SLC49A4: variants seen among roughly 807,000 people sequenced by gnomAD.
The protein encoded by SLC49A4 is solute carrier family 49 member 4, also known as disrupted in renal cancer protein 2.
A neutral mutation model predicts 50.6 loss-of-function variants in SLC49A4; 36 were observed. That is an observed-to-expected ratio of 0.71 (90% CI 0.55 to 0.94). SLC49A4 has a LOEUF of 0.94. Among genes scored for constraint, SLC49A4 ranks in the 40% least tolerant of loss-of-function variants. The pLI is 0.00. For synonymous variants in SLC49A4, 248 were observed against 241.2 expected (o/e 1.03, Z -0.26); for missense variants, 503 against 605.7 (o/e 0.83, Z 1.78).
At chr3:122,834,042 T>C (rs1034251499) in intron 4 of SLC49A4, among the ~76,000 whole-genome samples, 75 of 152,332 alleles carry the variant, frequency 4.9e-4, no homozygotes, top group African/African-American at 1.8e-3. Context: ...CAGTACTGAA[T>C]TTAATTCTTG....
At chr3:122,864,670 A>C (rs999615975) in intron 7 of SLC49A4, among the ~76,000 whole-genome samples, 12 of 152,194 alleles carry the variant, frequency 7.9e-5, no homozygotes, top group African/African-American at 2.9e-4. Context: ...GCTGACCACA[A>C]GGTGACTTCA....
At chr3:122,875,918 A>G (rs1253618631) in intron 8 of SLC49A4, among the ~76,000 whole-genome samples, 3 of 152,190 alleles carry the variant, frequency 2.0e-5, no homozygotes, top group Non-Finnish European at 2.9e-5. Flanking sequence ...TCAGGCTCCT[A>G]TACCAATGCC....
chr3:122,796,681 A>G (rs1219446544), intron 1 of SLC49A4, among the ~76,000 whole-genome samples: 1 of 152,224 alleles, frequency 6.6e-6, no homozygotes, highest in Non-Finnish European at 1.5e-5. Flanking sequence ...TCACCTTCCA[A>G]AGGCTGCACC....
intron 2 of SLC49A4, among the ~76,000 whole-genome samples, chr3:122,813,259 T>C (rs1176851417): frequency 6.7e-6 from 1 of 150,260 alleles, no homozygotes; most frequent in Non-Finnish European, 1.5e-5. Flanking sequence ...AAAAAAAAGC[T>C]GTGTAAAATT....
chr3:122,868,063 C>T (rs113746572), intron 7 of SLC49A4, among the ~76,000 whole-genome samples: 67 of 151,476 alleles, frequency 4.4e-4, no homozygotes, highest in African/African-American at 1.5e-3. Flanking sequence ...TTCAGTGAGC[C>T]GAGATCACGC....
At chr3:122,816,535 C>A (rs933914276) in intron 2 of SLC49A4, among the ~76,000 whole-genome samples, 1 of 152,078 alleles carries the variant, frequency 6.6e-6, no homozygotes, top group Non-Finnish European at 1.5e-5. Context: ...ATGCAGCACC[C>A]CAATTCTTGA....
At chr3:122,838,841 T>TACTATCAAATAGC (rs1210220704) in intron 4 of SLC49A4, among the ~76,000 whole-genome samples, 1 of 152,076 alleles carries the variant, frequency 6.6e-6, no homozygotes, top group African/African-American at 2.4e-5. Flanking sequence ...TCAGTGCAGT[T>TACTATCAAATAGC]ACTATCAAAA....
chr3:122,830,644 A>C (rs186352546), intron 3 of SLC49A4, among the ~76,000 whole-genome samples: 5 of 152,346 alleles, frequency 3.3e-5, no homozygotes, highest in Admixed American at 3.3e-4. Context: ...CCCCGTTGTT[A>C]ACTCAAACCT....
Position 122,868,015 on chromosome 3 carries a change from T to C in SLC49A4, c.1139-4400T>C, listed in dbSNP as rs1050693312. On this transcript the variant is annotated intron_variant, in intron 7 of 8. Coordinates refer to ENST00000261038, the MANE Select transcript of SLC49A4 (RefSeq NM_032839.3). Reference sequence around the variant, plus strand: ...CTGTAGTCCCAGCTACTTGGGAGGCTGAGGCAGGAGAATGGCGTGAACCCA... The same window carrying C: ...CTGTAGTCCCAGCTACTTGGGAGGCCGAGGCAGGAGAATGGCGTGAACCCA... 6.6e-5 allele frequency among the ~76,000 whole-genome samples: 10 copies of C among 151,984 alleles called. No individual in the cohort carries two copies. The East Asian group carries it at 1.9e-3, about 29-fold the overall frequency.
chr3:122,816,059 T>C lies in SLC49A4; in HGVS notation c.437+9109T>C, dbSNP rs1173050222. Among the ~76,000 whole-genome samples the C allele has an allele frequency of 2.0e-5, 3 of 152,206 alleles. No homozygotes were observed. In the East Asian group the frequency reaches 5.8e-4, roughly 29 times the overall value. ...TACCTGTTGAATCTCCTCTTTACTTTACCAGCTTGGGTACCCATCCCAGAT... is the reference window on the plus strand; with the variant it reads ...TACCTGTTGAATCTCCTCTTTACTTCACCAGCTTGGGTACCCATCCCAGAT... On this transcript the variant is annotated intron_variant, in intron 2 of 8. Transcript: ENST00000261038.
chr3:122,796,905 A>T (rs1415120077), intron 1 of SLC49A4, among the ~76,000 whole-genome samples: 1 of 152,222 alleles, frequency 6.6e-6, no homozygotes, highest in Non-Finnish European at 1.5e-5. Context: ...CATAAACAAA[A>T]TATGAATTTG....
At chr3:122,843,821 A>G (rs1936811807) in intron 4 of SLC49A4, among the ~76,000 whole-genome samples, 1 of 152,192 alleles carries the variant, frequency 6.6e-6, no homozygotes, top group Admixed American at 6.5e-5. Context: ...CCGCTTCGTA[A>G]GTGATGCTGC....
chr3:122,878,411 G>T (rs1476097063), intron 8 of SLC49A4, among the ~76,000 whole-genome samples: 1 of 152,176 alleles, frequency 6.6e-6, no homozygotes, highest in Non-Finnish European at 1.5e-5. Flanking sequence ...GTAGAGGAAG[G>T]CTGAACAGAT....
intron 5 of SLC49A4, among the ~76,000 whole-genome samples, chr3:122,847,529 T>C (rs1936870666): frequency 6.6e-6 from 1 of 151,910 alleles, no homozygotes; most frequent in South Asian, 2.1e-4. Flanking sequence ...GTATTTTTAG[T>C]AGAGACGGGG....
Position 122,872,562 on chromosome 3 carries a change from G to GAA in SLC49A4, c.1287_1288insAA (p.Val430LysfsTer100). Reference sequence around the variant, plus strand: ...ACTTTTTTAAGTAATATGTTTATGGGAGTACTTTTATTTTTTCTCACATTT... The same window carrying GAA: ...ACTTTTTTAAGTAATATGTTTATGGGAAAGTACTTTTATTTTTTCTCACATTT... On this transcript the variant is annotated frameshift_variant, in exon 8 of 9. Transcript: ENST00000261038. LOFTEE classifies it high-confidence loss of function. The GAA allele has an allele frequency of 6.3e-7, 1 of 1,596,368 alleles. No homozygotes were observed.
At chr3:122,865,128 G>A (rs1451859283) in intron 7 of SLC49A4, among the ~76,000 whole-genome samples, 1 of 152,180 alleles carries the variant, frequency 6.6e-6, no homozygotes, top group African/African-American at 2.4e-5. Flanking sequence ...TGGACTAAAA[G>A]TGACAAAGTC....
chr3:122,836,386 A>G (rs1167033265), intron 4 of SLC49A4, among the ~76,000 whole-genome samples: 5 of 151,934 alleles, frequency 3.3e-5, no homozygotes, highest in African/African-American at 1.2e-4. Context: ...GTGCTGCTGG[A>G]TTCGGTTTGC....
intron 2 of SLC49A4, among the ~76,000 whole-genome samples, chr3:122,814,580 A>G (rs1349893464): frequency 6.6e-6 from 1 of 152,208 alleles, no homozygotes; most frequent in East Asian, 1.9e-4. Flanking sequence ...ATATGTTAGT[A>G]AAGTACAGAC....
chr3:122,872,582 A>G lies in SLC49A4; in HGVS notation c.1306A>G (p.Thr436Ala), dbSNP rs1226654037. Residue 436 changes from threonine to alanine, a missense_variant, in exon 8 of 9, where the codon ACA (threonine) becomes GCA (alanine). Transcript: ENST00000261038. ...MFMGVLLFFL[T>A]FYHTELSWFN... ...TATGGGAGTACTTTTATTTTTTCTC[A>G]CATTTTATCATACAGGTAAGAAATT... The G allele has an allele frequency of 1.9e-6, 3 of 1,581,522 alleles. No homozygotes were observed. Among genetic ancestry groups the G allele is most frequent in the Non-Finnish European group, 8.6e-7 (1 of 1,160,162 alleles).
Sources: allele counts gnomAD v4.1 joint callset (sites outside exome capture counted in the v4.1 genomes callset), GRCh38; gene constraint gnomAD v4.1.1; transcripts MANE v1.5; gene names NCBI Gene and HGNC (gene_info 2026-07-23, HGNC 2026-07-21).